Variants in CELF2 observed in about 807,000 individuals in gnomAD.
CELF2 encodes the protein CUG triplet repeat RNA-binding protein 2.
In CELF2, 8 loss-of-function variants were observed where a neutral mutation model predicts 62.6. That is an observed-to-expected ratio of 0.13 (90% confidence interval 0.07 to 0.23). The LOEUF is 0.23. CELF2 is among the 10% of genes least tolerant of loss of function. The pLI, the probability that CELF2 is intolerant of heterozygous loss-of-function variation, is 1.00. For missense variants in CELF2, 333 were observed against 671.0 expected (o/e 0.50, Z 5.56); for synonymous variants, 258 against 250.0 (o/e 1.03, Z -0.30).
chr10:11,163,691 T>G lies in CELF2; in HGVS notation c.75-1795T>G, dbSNP rs372020241. Among the ~76,000 whole-genome samples, 20 of 152,248 alleles carry G rather than the reference T, an allele frequency of 1.3e-4. No individual in the cohort carries two copies. The East Asian group carries it at 2.9e-3, about 22-fold the overall frequency. On this transcript the variant is annotated intron_variant, in intron 1 of 12. Coordinates refer to ENST00000633077, the MANE Select transcript of CELF2 (RefSeq NM_001326342.2). ...AATGCTTCAAGTTAGACAGTCTGAT[T>G]GTTTATTTCAAGGATAAAAAAATAA...
intron 2 of CELF2, among the ~76,000 whole-genome samples, chr10:10,953,444 A>G (rs960831003): frequency 1.3e-5 from 2 of 152,208 alleles, no homozygotes; most frequent in African/African-American, 4.8e-5. Flanking sequence ...GTTATCTAAC[A>G]AGAATAATTG....
chr10:11,101,715 C>T lies in CELF2; in HGVS notation c.75-63771C>T, dbSNP rs549384632. 6.6e-5 allele frequency among the ~76,000 whole-genome samples: 10 copies of T among 152,294 alleles called. No individual in the cohort carries two copies. The East Asian group carries it at 1.7e-3, about 26-fold the overall frequency. ...GTAGGTTTTTACCACTGTAGCACAA[C>T]GGAAACACTTGTAACCTCTGCATAC... On this transcript the variant is annotated intron_variant, in intron 1 of 12. Coordinates refer to ENST00000633077, the MANE Select transcript of CELF2 (RefSeq NM_001326342.2).
chr10:10,704,338 T>A, the CELF2 span, among the ~76,000 whole-genome samples: 1 of 152,176 alleles, frequency 6.6e-6, no homozygotes, highest in East Asian at 1.9e-4. Flanking sequence ...TACCCACTCA[T>A]CTGCAAGATT....
the CELF2 span, among the ~76,000 whole-genome samples, chr10:10,779,055 C>G: frequency 6.6e-6 from 1 of 152,146 alleles, no homozygotes; most frequent in Non-Finnish European, 1.5e-5. Flanking sequence ...AAGAACCTAA[C>G]AGGTACTGGG....
chr10:10,858,250 G>A (rs1463391521), intron 1 of CELF2, among the ~76,000 whole-genome samples: 1 of 152,056 alleles, frequency 6.6e-6, no homozygotes, highest in Admixed American at 6.6e-5. Context: ...GTTGCCTGAG[G>A]GATGCCTTAA....
chr10:11,256,977 C>A (rs1021612967), intron 4 of CELF2, among the ~76,000 whole-genome samples: 2 of 151,940 alleles, frequency 1.3e-5, no homozygotes, highest in African/African-American at 4.8e-5. Context: ...GCTGGAAGCT[C>A]GGGGCCATCC....
At chr10:10,898,849 A>T (rs1248132707) in intron 1 of CELF2, among the ~76,000 whole-genome samples, 1 of 152,256 alleles carries the variant, frequency 6.6e-6, no homozygotes, top group Non-Finnish European at 1.5e-5. Flanking sequence ...AAAATAGTTC[A>T]TACCCTGGGC....
chr10:10,578,767 G>C, the CELF2 span, among the ~76,000 whole-genome samples: 1 of 152,106 alleles, frequency 6.6e-6, no homozygotes, highest in Non-Finnish European at 1.5e-5. Context: ...GGTAGATTCA[G>C]TCCTTCCATG....
intron 1 of CELF2, among the ~76,000 whole-genome samples, chr10:10,812,067 T>C (rs1053683473): frequency 6.6e-6 from 1 of 152,176 alleles, no homozygotes; most frequent in Non-Finnish European, 1.5e-5. Flanking sequence ...AGAGCTGCTG[T>C]ATTTCCCACC....
In CELF2 at chr10:11,260,130, T is replaced by A. The variant is rs2080046485; in HGVS notation, c.538+2258T>A. 6.6e-6 allele frequency among the ~76,000 whole-genome samples: 1 copy of A among 152,258 alleles called. No individual in the cohort carries two copies. Among genetic ancestry groups the A allele is most frequent in the African/African-American group, 2.4e-5 (1 of 41,470 alleles). On this transcript the variant is annotated intron_variant, in intron 5 of 12. Transcript: ENST00000633077. This position sits in a 1 kb window ranked among gnomAD's most constrained non-coding sequence, Gnocchi z 4.2. ...TCATTTTATTTTCTTACCTCTGTCCTGAGCTTTCCCCATTTGTAAATGACA... is the reference window on the plus strand; with the variant it reads ...TCATTTTATTTTCTTACCTCTGTCCAGAGCTTTCCCCATTTGTAAATGACA...
chr10:10,960,853 A>G (rs1271121483), intron 2 of CELF2, among the ~76,000 whole-genome samples: 1 of 152,200 alleles, frequency 6.6e-6, no homozygotes, highest in Non-Finnish European at 1.5e-5. Context: ...TTAGCTTTGT[A>G]CATTTCAACA....
chr10:10,931,089 T>C lies in CELF2; in HGVS notation c.89+11090T>C, dbSNP rs2066010397. Among the ~76,000 whole-genome samples, 1 of 152,246 alleles carries C rather than the reference T, an allele frequency of 6.6e-6. No homozygotes were observed. Among genetic ancestry groups the C allele is most frequent in the South Asian group, 2.1e-4 (1 of 4,828 alleles). On this transcript the variant is annotated intron_variant, in intron 2 of 13. Transcript: ENST00000636488. The surrounding 1 kb of genome is among the most constrained non-coding windows in gnomAD (Gnocchi z 6.1). ...TTATTCCCATGTATACATAGATAGTTTTAAACCCTGTAAACCTTTCTTTTC... is the reference window on the plus strand; with the variant it reads ...TTATTCCCATGTATACATAGATAGTCTTAAACCCTGTAAACCTTTCTTTTC...
At chr10:11,111,382 A>C (rs991003829) in intron 1 of CELF2, among the ~76,000 whole-genome samples, 2 of 152,166 alleles carry the variant, frequency 1.3e-5, no homozygotes, top group Non-Finnish European at 2.9e-5. Context: ...GTTACTGATA[A>C]GTGTTTGTCA....
the CELF2 span, among the ~76,000 whole-genome samples, chr10:10,570,542 C>G: frequency 6.6e-6 from 1 of 151,256 alleles, no homozygotes; most frequent in Non-Finnish European, 1.5e-5. Flanking sequence ...AAGAAAAAGG[C>G]TAAAATGGGT....
chr10:11,229,100 T>C (rs1383819995), intron 3 of CELF2, among the ~76,000 whole-genome samples: 2 of 152,140 alleles, frequency 1.3e-5, no homozygotes, highest in Non-Finnish European at 2.9e-5. Context: ...ACAGGTGAGA[T>C]GCTGAAGGTC....
At chr10:11,262,890 A>G (rs1193877551) in intron 5 of CELF2, among the ~76,000 whole-genome samples, 1 of 148,658 alleles carries the variant, frequency 6.7e-6, no homozygotes, top group East Asian at 2.0e-4. Context: ...AGAAGTAACA[A>G]AGAAAAGCAA....
chr10:10,846,388 G>A (rs1272243848), intron 1 of CELF2, among the ~76,000 whole-genome samples: 2 of 152,094 alleles, frequency 1.3e-5, no homozygotes, highest in African/African-American at 2.4e-5. Flanking sequence ...AGCAGCTGCT[G>A]CCTGGACACT....
intron 4 of CELF2, among the ~76,000 whole-genome samples, chr10:11,256,100 G>A (rs1480820400): frequency 1.3e-5 from 2 of 152,262 alleles, no homozygotes; most frequent in Admixed American, 6.5e-5. Flanking sequence ...GCTATGAAGA[G>A]GAGCCTTTAG....
the CELF2 span, among the ~76,000 whole-genome samples, chr10:10,786,240 G>A: frequency 6.6e-6 from 1 of 152,106 alleles, no homozygotes; most frequent in African/African-American, 2.4e-5. Context: ...GTGACACAGG[G>A]ACAATACATG....
Sources: allele counts gnomAD v4.1 joint callset (sites outside exome capture counted in the v4.1 genomes callset), GRCh38; gene constraint gnomAD v4.1.1; non-coding constraint Gnocchi (gnomAD v3.1); transcripts MANE v1.5; gene names NCBI Gene and HGNC (gene_info 2026-07-23, HGNC 2026-07-21).